PLCH1: variants seen among roughly 807,000 people sequenced by gnomAD.
PLCH1 encodes the protein 1-phosphatidylinositol 4,5-bisphosphate phosphodiesterase eta-1.
In PLCH1, 60 loss-of-function variants were observed where a neutral mutation model predicts 126.7. The observed-to-expected ratio is 0.47, with a 90% CI of 0.38 to 0.59. The LOEUF (loss-of-function observed/expected upper bound fraction) is 0.59. Among genes scored for constraint, PLCH1 ranks in the 20% least tolerant of loss-of-function variants. The pLI is 0.00. For synonymous variants in PLCH1, 719 were observed against 734.9 expected (o/e 0.98, Z 0.35); for missense variants, 1,723 against 2,040.0 (o/e 0.84, Z 2.99).
chr3:155,573,027 C>A (rs949754665), intron 6 of PLCH1, among the ~76,000 whole-genome samples: 1 of 152,186 alleles, frequency 6.6e-6, no homozygotes, highest in Non-Finnish European at 1.5e-5. Context: ...GAATTTTAAG[C>A]AAGAGCCACT....
intron 10 of PLCH1, among the ~76,000 whole-genome samples, chr3:155,544,584 A>T (rs1724915268): frequency 1.3e-5 from 2 of 152,134 alleles, no homozygotes; most frequent in South Asian, 2.1e-4. Context: ...CAGAATATAA[A>T]TTTTTTTCAG....
chr3:155,674,791 A>G lies in PLCH1; in HGVS notation c.79+29355T>C, dbSNP rs546720271. ...TATCAAATTTCCACTATGTTTAAGA[A>G]TTAAAGCTCTATTTTAAATTTAAAG... is the stretch of plus-strand genomic sequence containing the variant. On this transcript the variant is annotated intron_variant, in intron 2 of 22. Coordinates refer to ENST00000460012, the MANE Select transcript of PLCH1 (RefSeq NM_014996.4). 2.3e-3 allele frequency among the ~76,000 whole-genome samples: 353 copies of G among 152,304 alleles called. 2 individuals carry two copies. Among genetic ancestry groups the G allele is most frequent in the South Asian group, 0.015 (71 of 4,828 alleles).
At chr3:155,658,988 G>C (rs916511694) in intron 2 of PLCH1, among the ~76,000 whole-genome samples, 1 of 152,192 alleles carries the variant, frequency 6.6e-6, no homozygotes, top group African/African-American at 2.4e-5. Context: ...TGACATGAGT[G>C]AAATCTCAAA....
At chr3:155,509,166 T>C (rs1719108554) in intron 12 of PLCH1, among the ~76,000 whole-genome samples, 1 of 140,394 alleles carries the variant, frequency 7.1e-6, no homozygotes, top group Non-Finnish European at 1.5e-5. Flanking sequence ...TATTCTCTTA[T>C]GGTAGTTTGC....
At chr3:155,562,483 T>C (rs778735337) in intron 8 of PLCH1, among the ~76,000 whole-genome samples, 9 of 152,230 alleles carry the variant, frequency 5.9e-5, no homozygotes, top group African/African-American at 1.4e-4. Context: ...ATATTTAATA[T>C]GATCTAGAAA....
At chr3:155,504,352 C>T (rs746317584) in intron 13 of PLCH1, among the ~76,000 whole-genome samples, 1 of 152,060 alleles carries the variant, frequency 6.6e-6, no homozygotes, top group Non-Finnish European at 1.5e-5. Flanking sequence ...AATATTCTTT[C>T]CCAGTATGCA....
At chr3:155,516,104 T>C (rs1720272012) in intron 11 of PLCH1, among the ~76,000 whole-genome samples, 2 of 152,164 alleles carry the variant, frequency 1.3e-5, no homozygotes, top group South Asian at 4.1e-4. Context: ...GGCACTCCAC[T>C]TCCCTGGAGA....
rs956719432 is a variant in PLCH1, at chr3:155,485,485, G to A, written c.2845C>T (p.Leu949=). Residue 949 remains leucine, a synonymous_variant, in exon 22 of 23, where the codon CTG becomes TTG. Coordinates refer to ENST00000460012, the MANE Select transcript of PLCH1 (RefSeq NM_014996.4). ...TGCAAACTGCGTGTGGTCCTCCTCA[G>A]CACGCCATCTTGATCTCTTGTGGCC... ...SEATRDQDGV[L]RRTTRSLQAR... 16 of 1,614,084 alleles carry A rather than the reference G, an allele frequency of 9.9e-6. No individual in the cohort carries two copies. Among genetic ancestry groups the A allele is most frequent in the Non-Finnish European group, 1.4e-5 (16 of 1,179,914 alleles).
At chr3:155,559,319 C>T (rs572725283) in intron 8 of PLCH1, among the ~76,000 whole-genome samples, 4 of 152,244 alleles carry the variant, frequency 2.6e-5, no homozygotes, top group South Asian at 4.2e-4. Flanking sequence ...ACGGAAAACA[C>T]TTAGCCAGGA....
chr3:155,641,090 C>T (rs2222275), intron 2 of PLCH1, among the ~76,000 whole-genome samples: 27,444 of 151,676 alleles, frequency 0.18, 2,805 homozygotes, highest in East Asian at 0.43. Context: ...GAAATGGAGA[C>T]TATCATGGCT....
intron 11 of PLCH1, among the ~76,000 whole-genome samples, chr3:155,517,223 C>T (rs1417321036): frequency 1.3e-5 from 2 of 152,150 alleles, no homozygotes; most frequent in Non-Finnish European, 2.9e-5. Flanking sequence ...GGAAGGATCC[C>T]ATGAGCCCAA....
At chr3:155,537,414 T>C (rs932037679) in intron 10 of PLCH1, among the ~76,000 whole-genome samples, 1 of 151,716 alleles carries the variant, frequency 6.6e-6, no homozygotes, top group Non-Finnish European at 1.5e-5. Context: ...AAATTTTGAA[T>C]GTAGATGGTC....
chr3:155,632,344 A>C (rs1568360), intron 2 of PLCH1, among the ~76,000 whole-genome samples: 44,918 of 151,952 alleles, frequency 0.3, 7,214 homozygotes, highest in East Asian at 0.44. Flanking sequence ...TCTTTAAGTC[A>C]ATTACCATGC....
At chr3:155,726,878 CTTTTTTT>C (rs201977097) in intron 1 of PLCH1, among the ~76,000 whole-genome samples, 1 of 133,128 alleles carries the variant, frequency 7.5e-6, no homozygotes, top group Non-Finnish European at 1.6e-5. Context: ...TTTCTTTTTT[CTTTTTTT>C]TTTTTTTTGT....
chr3:155,669,685 A>G (rs1027633195), intron 2 of PLCH1, among the ~76,000 whole-genome samples: 2 of 152,252 alleles, frequency 1.3e-5, no homozygotes, highest in African/African-American at 2.4e-5. Flanking sequence ...ATGAGAAAAT[A>G]AGGAAGGTAT....
chr3:155,645,827 AGTCAGGAG>A (rs1291990812), intron 2 of PLCH1, among the ~76,000 whole-genome samples: 1 of 152,220 alleles, frequency 6.6e-6, no homozygotes, highest in Non-Finnish European at 1.5e-5. Context: ...CACCAAGGCC[AGTCAGGAG>A]GTAAAGGGAA....
chr3:155,460,296 T>C (rs954920922), intron 21 of PLCH1, among the ~76,000 whole-genome samples: 2 of 152,146 alleles, frequency 1.3e-5, no homozygotes, highest in African/African-American at 4.8e-5. Context: ...CCAAAATATG[T>C]ACTGGACAGA....
At chr3:155,734,683 T>C (rs927330273) in intron 1 of PLCH1, among the ~76,000 whole-genome samples, 4 of 151,566 alleles carry the variant, frequency 2.6e-5, no homozygotes, top group Admixed American at 2.0e-4. Context: ...TATATATATA[T>C]ACACACAGTA....
At chr3:155,658,213 C>A in intron 2 of PLCH1, 1 of 204,360 alleles carries the variant, frequency 4.9e-6, no homozygotes. Context: ...CTCTTGGGAC[C>A]GTTCTGATCA....
Sources: gnomAD v4.1 joint callset for allele counts (sites outside exome capture counted in the v4.1 genomes callset) on GRCh38, gnomAD v4.1.1 for gene constraint, MANE v1.5 for transcripts, NCBI Gene and HGNC (gene_info 2026-07-23, HGNC 2026-07-21) for gene names.